ERBB4: variants seen among roughly 807,000 people sequenced by gnomAD.
The protein encoded by ERBB4 is erb-b2 receptor tyrosine kinase 4, also known as receptor tyrosine-protein kinase erbB-4.
Under a neutral mutation model 158.0 loss-of-function variants are expected in ERBB4, and 42 were observed. The observed-to-expected ratio is 0.27, with a 90% confidence interval of 0.21 to 0.34. The LOEUF (loss-of-function observed/expected upper bound fraction) is 0.34. ERBB4 is among the 10% of genes least tolerant of loss of function. The pLI, the probability that ERBB4 is intolerant of heterozygous loss-of-function variation, is 1.00. For synonymous variants in ERBB4, 583 were observed against 558.7 expected (o/e 1.04, Z -0.61); for missense variants, 1,333 against 1,624.1 (o/e 0.82, Z 3.08).
chr2:211,861,051 A>ATATATATT lies in ERBB4; in HGVS notation c.422-72893_422-72892insAATATATA, dbSNP rs1559585454. On this transcript the variant is annotated intron_variant, in intron 3 of 27. Transcript: ENST00000342788. ...ATAAATATAATATATTTATATATTTATATATATATAAATATAATATATTTA... is the reference window on the plus strand; with the variant it reads ...ATAAATATAATATATTTATATATTTATATATATTTATATATATAAATATAATATATTTA... Among the ~76,000 whole-genome samples, 2 of 6,644 alleles carry ATATATATT rather than the reference A, an allele frequency of 3.0e-4. 1 individual carries two copies. The highest frequency in any genetic ancestry group is 9.5e-4 in the African/African-American group (2 of 2,096). 4.4% of individuals were successfully genotyped at this position (6,644 alleles called of 152,430 possible). A position where few individuals can be genotyped will look rare whatever the true frequency, so the allele number is the denominator to read the frequency against.
intron 2 of ERBB4, among the ~76,000 whole-genome samples, chr2:212,102,090 T>TTATATATATATATATA (rs57567965): frequency 0.012 from 1,315 of 107,854 alleles, 63 homozygotes; most frequent in Non-Finnish European, 0.02. Context: ...AAAATTTATT[T>TTATATATATATATATA]TATATATATA....
At chr2:211,621,025 G>A (rs984832633) in intron 18 of ERBB4, among the ~76,000 whole-genome samples, 3 of 152,110 alleles carry the variant, frequency 2.0e-5, no homozygotes, top group African/African-American at 7.2e-5. Context: ...TGAGGTGGGA[G>A]GATGGTTTGA....
In ERBB4 at chr2:212,268,037, T is replaced by C. The variant is rs534957978; in HGVS notation, c.83-143134A>G. Among the ~76,000 whole-genome samples the C allele has an allele frequency of 4.3e-4, 65 of 151,946 alleles. No homozygotes were observed. The South Asian group carries it at 7.5e-3, about 17-fold the overall frequency. On this transcript the variant is annotated intron_variant, in intron 1 of 27. Transcript: ENST00000342788. ...AACAAATCTTTTTAGCAGAGAAGACTTAAACATCACCACTATATCAAATGC... is the reference window on the plus strand; with the variant it reads ...AACAAATCTTTTTAGCAGAGAAGACCTAAACATCACCACTATATCAAATGC...
At chr2:212,490,360 T>A (rs760725470) in intron 1 of ERBB4, among the ~76,000 whole-genome samples, 14 of 151,966 alleles carry the variant, frequency 9.2e-5, no homozygotes, top group Non-Finnish European at 1.6e-4. Flanking sequence ...CCACTGTTTC[T>A]CTTTCCCTCT....
chr2:211,585,351 CA>C (rs4016514), intron 19 of ERBB4, among the ~76,000 whole-genome samples: 19,279 of 131,792 alleles, frequency 0.15, 3,651 homozygotes, highest in African/African-American at 0.46. Context: ...GACTCCGTCT[CA>C]AAAAAAAAAA....
rs186423047 is a variant in ERBB4, at chr2:212,284,472, C to G, written c.83-159569G>C. Among the ~76,000 whole-genome samples the G allele has an allele frequency of 2.8e-4, 42 of 152,194 alleles. No individual in the cohort carries two copies. In the East Asian group the frequency reaches 8.2e-3, roughly 30 times the overall value. On this transcript the variant is annotated intron_variant, in intron 1 of 27. Transcript: ENST00000342788. Reference sequence around the variant, plus strand: ...GAATGTAAATCCCATTAAGCAGTCACCTATTAGACTATGGCATATAAACTC... The same window carrying G: ...GAATGTAAATCCCATTAAGCAGTCAGCTATTAGACTATGGCATATAAACTC...
chr2:211,677,458 G>A (rs553696510), intron 13 of ERBB4, among the ~76,000 whole-genome samples: 15 of 151,950 alleles, frequency 9.9e-5, no homozygotes, highest in African/African-American at 3.6e-4. Flanking sequence ...CAGCTACTTG[G>A]AGGCTGAGGC....
At chr2:211,577,712 A>G (rs2067933645) in intron 19 of ERBB4, among the ~76,000 whole-genome samples, 1 of 152,170 alleles carries the variant, frequency 6.6e-6, no homozygotes, top group Admixed American at 6.5e-5. Context: ...GACAAAAACC[A>G]TATGATTATC....
chr2:212,407,382 C>G (rs1166529710), intron 1 of ERBB4, among the ~76,000 whole-genome samples: 1 of 151,934 alleles, frequency 6.6e-6, no homozygotes, highest in South Asian at 2.1e-4. Flanking sequence ...TCATAACAAT[C>G]TAATCAATAC....
chr2:211,729,881 A>G (rs530850340), intron 5 of ERBB4, among the ~76,000 whole-genome samples: 56 of 151,850 alleles, frequency 3.7e-4, no homozygotes, highest in African/African-American at 1.2e-3. Flanking sequence ...TTTGGGTCCA[A>G]TTTTCACTAG....
At chr2:211,504,422 A>G (rs995378040) in intron 20 of ERBB4, among the ~76,000 whole-genome samples, 4 of 152,030 alleles carry the variant, frequency 2.6e-5, no homozygotes, top group African/African-American at 9.7e-5. Flanking sequence ...CAACATGTGC[A>G]ACAGCTAAAC....
chr2:211,867,974 C>G (rs1252952873), intron 3 of ERBB4, among the ~76,000 whole-genome samples: 2 of 152,208 alleles, frequency 1.3e-5, no homozygotes, highest in Non-Finnish European at 2.9e-5. Flanking sequence ...CTTTTACAAT[C>G]ATGGCATCTG....
intron 1 of ERBB4, among the ~76,000 whole-genome samples, chr2:212,363,424 A>G (rs1010104691): frequency 6.6e-6 from 1 of 151,476 alleles, no homozygotes; most frequent in Non-Finnish European, 1.5e-5. Flanking sequence ...TTATTCATTG[A>G]AAAAATACAT....
intron 1 of ERBB4, among the ~76,000 whole-genome samples, chr2:212,402,128 G>C (rs938970966): frequency 7.9e-5 from 12 of 151,968 alleles, no homozygotes; most frequent in African/African-American, 2.9e-4. Context: ...TCTTTAACAG[G>C]TGAATGGTTT....
At chr2:212,331,244 T>C (rs1271981737) in intron 1 of ERBB4, among the ~76,000 whole-genome samples, 6 of 151,032 alleles carry the variant, frequency 4.0e-5, no homozygotes, top group Non-Finnish European at 7.4e-5. Context: ...AACCTATTTC[T>C]ATAACTAATA....
chr2:211,680,846 T>C (rs2072307089), intron 12 of ERBB4, among the ~76,000 whole-genome samples: 1 of 152,112 alleles, frequency 6.6e-6, no homozygotes, highest in Admixed American at 6.5e-5. Flanking sequence ...TCTGTGTCTG[T>C]GTGCAGCAGT....
chr2:212,244,127 G>C (rs1407156737), intron 1 of ERBB4, among the ~76,000 whole-genome samples: 1 of 152,056 alleles, frequency 6.6e-6, no homozygotes, highest in Non-Finnish European at 1.5e-5. Context: ...GAGAGAAAGA[G>C]AGACTGGTAT....
At chr2:211,788,265 G>C in intron 3 of ERBB4, 106 bp from the exon 4 acceptor site, 2 of 802,708 alleles carry the variant, frequency 2.5e-6, no homozygotes. Context: ...TTAAATTAGA[G>C]TCATGTTGCT....
At chr2:212,495,698 A>G (rs1560479989) in intron 1 of ERBB4, among the ~76,000 whole-genome samples, 1 of 152,194 alleles carries the variant, frequency 6.6e-6, no homozygotes, top group Non-Finnish European at 1.5e-5. Flanking sequence ...AGCCTTCAGG[A>G]AAGATCAGCT....
Sources: allele counts gnomAD v4.1 joint callset (sites outside exome capture counted in the v4.1 genomes callset), GRCh38; gene constraint gnomAD v4.1.1; transcripts MANE v1.5; gene names NCBI Gene and HGNC (gene_info 2026-07-23, HGNC 2026-07-21).